Variants in MYT1L observed in about 807,000 individuals in gnomAD.
MYT1L encodes myelin transcription factor 1-like protein.
Under a neutral mutation model 126.7 loss-of-function variants are expected in MYT1L, and 12 were observed. The ratio of observed to expected loss-of-function variants is 0.09; its 90% CI spans 0.06 to 0.15. MYT1L has a LOEUF of 0.15. Among genes scored for constraint, MYT1L ranks in the 10% least tolerant of loss-of-function variants. The probability of loss-of-function intolerance (pLI) is 1.00; values close to 1 mark genes in which losing one functional copy is unlikely to be tolerated. For synonymous variants in MYT1L, 541 were observed against 604.2 expected, an observed-to-expected ratio of 0.90 and a Z score of 1.53; for missense variants, 979 against 1,585.2, an observed-to-expected ratio of 0.62 and a Z score of 6.49.
intron 2 of MYT1L, among the ~76,000 whole-genome samples, chr2:2,255,871 A>G (rs1240663744): frequency 1.3e-5 from 2 of 152,140 alleles, no homozygotes; most frequent in African/African-American, 4.8e-5. Flanking sequence ...GCTTATACCT[A>G]TTAGGGGCCA....
intron 3 of MYT1L, among the ~76,000 whole-genome samples, chr2:2,158,799 T>C (rs1048076786): frequency 2.6e-5 from 4 of 152,072 alleles, no homozygotes; most frequent in African/African-American, 4.8e-5. Flanking sequence ...TGGTCTATGA[T>C]GACACGTGTC....
At chr2:2,061,275 C>T (rs1287887237) in intron 3 of MYT1L, among the ~76,000 whole-genome samples, 8 of 152,046 alleles carry the variant, frequency 5.3e-5, no homozygotes, top group African/African-American at 1.7e-4. Flanking sequence ...CTGTGGGGGC[C>T]GCAGTGGCTG....
intron 1 of MYT1L, among the ~76,000 whole-genome samples, chr2:2,303,260 C>T (rs1227614490): frequency 6.6e-6 from 1 of 152,120 alleles, no homozygotes; most frequent in Non-Finnish European, 1.5e-5. Flanking sequence ...TTTGAGTGGC[C>T]GTGGTTCCAC....
At chr2:1,880,472 G>A (rs1345720992) in intron 18 of MYT1L, among the ~76,000 whole-genome samples, 1 of 152,194 alleles carries the variant, frequency 6.6e-6, no homozygotes, top group African/African-American at 2.4e-5. Context: ...TGAGTAGCTA[G>A]AACACTTTTA....
chr2:1,971,223 T>C (rs1464136280), intron 8 of MYT1L, among the ~76,000 whole-genome samples: 3 of 152,140 alleles, frequency 2.0e-5, no homozygotes, highest in African/African-American at 7.2e-5. Flanking sequence ...CTAAGATGCA[T>C]TACATGCTTT....
chr2:1,797,287 G>C (rs1004730903), intron 23 of MYT1L, among the ~76,000 whole-genome samples: 2 of 152,128 alleles, frequency 1.3e-5, no homozygotes, highest in Admixed American at 6.5e-5. Context: ...CCCATGGCGC[G>C]ATCTTGGCTC....
chr2:2,052,134 T>C (rs1049577217), intron 4 of MYT1L, among the ~76,000 whole-genome samples: 8 of 152,066 alleles, frequency 5.3e-5, no homozygotes, highest in African/African-American at 1.9e-4. Context: ...AACCCAGAAA[T>C]AAATTCTTGC....
intron 21 of MYT1L, chr2:1,816,307 A>C (rs2148076956): frequency 6.5e-6 from 1 of 152,804 alleles, no homozygotes; most frequent in East Asian, 1.9e-4. Context: ...TAGCGAATGA[A>C]GCAGAAGCAC....
At chr2:2,004,288 TGCGTTCTTTCCTGC>T (rs2062844863) in intron 4 of MYT1L, among the ~76,000 whole-genome samples, 3 of 50,852 alleles carry the variant, frequency 5.9e-5, no homozygotes, top group Admixed American at 5.3e-4. Context: ...CTTTCCTGCA[TGCGTTCTTTCCTGC>T]ATGCGTTCTT....
rs35297300 is a variant in MYT1L at position 2,140,432 on chromosome 2, CTT to C, written c.-304+32438_-304+32439del. Among the ~76,000 whole-genome samples the C allele has an allele frequency of 8.1e-3, 920 of 112,912 alleles. 3 individuals carry two copies. The highest frequency in any genetic ancestry group is 0.025 in the African/African-American group (735 of 29,048). 74.1% of individuals were successfully genotyped at this position (112,912 alleles called of 152,430 possible). ...GTCTTTATTTTTTTTCTTTCTTTTT[CTT>C]TTTTTTTTTTTTTTTTTTGAGACAG... is the stretch of plus-strand genomic sequence containing the variant. On this transcript the variant is annotated intron_variant, in intron 3 of 24. Transcript: ENST00000647738.
intron 2 of MYT1L, among the ~76,000 whole-genome samples, chr2:2,214,477 G>C (rs1002460847): frequency 6.6e-6 from 1 of 151,688 alleles, no homozygotes; most frequent in African/African-American, 2.4e-5. Flanking sequence ...GCAGATAATA[G>C]GGAAAAAAAG....
At chr2:2,033,636 C>T (rs1003570958) in intron 4 of MYT1L, among the ~76,000 whole-genome samples, 2 of 152,140 alleles carry the variant, frequency 1.3e-5, no homozygotes, top group Non-Finnish European at 2.9e-5. Flanking sequence ...CTGGGTTTCA[C>T]CTTGCTCACG....
chr2:2,005,959 CGTTCTTTCCTGCAGGT>C (rs1558712864), intron 4 of MYT1L, among the ~76,000 whole-genome samples: 6 of 149,000 alleles, frequency 4.0e-5, no homozygotes, highest in Admixed American at 6.6e-5. Flanking sequence ...TTCCTGAATG[CGTTCTTTCCTGCAGGT>C]GTTCTTTCCT....
chr2:2,236,824 T>TGATGGAG (rs2094332387), intron 2 of MYT1L, among the ~76,000 whole-genome samples: 1 of 136,598 alleles, frequency 7.3e-6, no homozygotes, highest in African/African-American at 2.8e-5. Context: ...CTTTTTTTTT[T>TGATGGAG]TTTTTTTTGA....
intron 2 of MYT1L, among the ~76,000 whole-genome samples, chr2:2,178,682 T>A (rs41486047): frequency 0.17 from 25,732 of 152,044 alleles, 2,197 homozygotes; most frequent in African/African-American, 0.2. Context: ...AGAAACACAC[T>A]TGGTAGAATG....
chr2:1,858,474 A>T (rs2044187176), intron 18 of MYT1L, among the ~76,000 whole-genome samples: 1 of 152,228 alleles, frequency 6.6e-6, no homozygotes, highest in South Asian at 2.1e-4. Context: ...ACGCTATAAC[A>T]ACTCCATCAA....
chr2:2,174,219 T>C (rs985713444), intron 2 of MYT1L, among the ~76,000 whole-genome samples: 10 of 152,220 alleles, frequency 6.6e-5, no homozygotes, highest in Admixed American at 4.6e-4. Flanking sequence ...TTTAAAAATA[T>C]ACACTTAGCT....
At chr2:2,159,670 T>C (rs566873956) in intron 3 of MYT1L, among the ~76,000 whole-genome samples, 3 of 152,116 alleles carry the variant, frequency 2.0e-5, no homozygotes, top group South Asian at 2.1e-4. Context: ...CCCTGGAGAA[T>C]TGAATATCTC....
rs558603701 is a variant in MYT1L, at chr2:2,059,059, G to C, written c.-303-4936C>G. On this transcript the variant is annotated intron_variant, in intron 3 of 24. Transcript: ENST00000647738. The surrounding 1 kb of genome is among the most constrained non-coding windows in gnomAD (Gnocchi z 4.7). ...ACTCAAGGACAATTGGGTCATGTCT[G>C]CTGTTTGAGAGAAGGAAGAATTCAC... Among the ~76,000 whole-genome samples the C allele has an allele frequency of 8.5e-5, 13 of 152,326 alleles. No individual in the cohort carries two copies. Among genetic ancestry groups the C allele is most frequent in the African/African-American group, 2.9e-4 (12 of 41,572 alleles).
Sources: gnomAD v4.1 joint callset for allele counts (sites outside exome capture counted in the v4.1 genomes callset) on GRCh38, gnomAD v4.1.1 for gene constraint, Gnocchi (gnomAD v3.1) non-coding constraint, MANE v1.5 for transcripts, NCBI Gene and HGNC (gene_info 2026-07-23, HGNC 2026-07-21) for gene names.